The following ADARB2 variants were observed in gnomAD, a reference collection of about 807,000 sequenced individuals.
ADARB2 encodes inactive double-stranded RNA-specific editase B2.
A neutral mutation model predicts 62.2 loss-of-function variants in ADARB2; 25 were observed. The ratio of observed to expected loss-of-function variants is 0.40; its 90% CI spans 0.29 to 0.56. The LOEUF is 0.56. ADARB2 is among the 20% of genes least tolerant of loss of function. The pLI, the probability that ADARB2 is intolerant of heterozygous loss-of-function variation, is 0.43. For synonymous variants in ADARB2, 572 were observed against 500.8 expected (o/e 1.14, Z -1.90); for missense variants, 1,071 against 1,077.4 (o/e 0.99, Z 0.08).
intron 1 of ADARB2, among the ~76,000 whole-genome samples, chr10:1,607,886 T>A (rs1410675711): frequency 1.3e-5 from 2 of 152,220 alleles, no homozygotes; most frequent in African/African-American, 2.4e-5. Flanking sequence ...AAGTGGCTTC[T>A]AATAGGTAAG....
At position 1,240,929 on chromosome 10, in the gene ADARB2, G is replaced by C. The variant is rs867729608; in HGVS notation, c.1361+1202C>G. On this transcript the variant is annotated intron_variant, in intron 5 of 9. Coordinates refer to ENST00000381312, the MANE Select transcript of ADARB2 (RefSeq NM_018702.4). Reference sequence around the variant, plus strand: ...CACCCCGCAGGCCTCAGGGAACTGAGGGATGGGTTCAACCTGTGGCTCCCT... The same window carrying C: ...CACCCCGCAGGCCTCAGGGAACTGACGGATGGGTTCAACCTGTGGCTCCCT... 2.0e-5 allele frequency among the ~76,000 whole-genome samples: 3 copies of C among 152,230 alleles called. No individual in the cohort carries two copies. The South Asian group carries it at 6.2e-4, about 31-fold the overall frequency.
chr10:1,594,619 T>C (rs994481540), intron 1 of ADARB2, among the ~76,000 whole-genome samples: 2 of 152,204 alleles, frequency 1.3e-5, no homozygotes, highest in African/African-American at 2.4e-5. Context: ...CCCTTTGCAG[T>C]GGCCTTAGCA....
chr10:1,406,554 C>T (rs185663238), intron 1 of ADARB2, among the ~76,000 whole-genome samples: 217 of 152,354 alleles, frequency 1.4e-3, no homozygotes, highest in African/African-American at 5.0e-3. Context: ...CCTTGACTTT[C>T]CCTCCTATGG....
chr10:1,519,748 A>AG (rs1244690648), intron 1 of ADARB2, among the ~76,000 whole-genome samples: 1 of 152,150 alleles, frequency 6.6e-6, no homozygotes, highest in African/African-American at 2.4e-5. Flanking sequence ...CAATGGCCTG[A>AG]GGGTTTTTCA....
At chr10:1,610,455 G>A (rs1588322672) in intron 1 of ADARB2, among the ~76,000 whole-genome samples, 1 of 152,228 alleles carries the variant, frequency 6.6e-6, no homozygotes, top group East Asian at 1.9e-4. Context: ...TCAGTAACTA[G>A]CACTACTTTT....
chr10:1,218,502 C>G (rs1265437490), intron 6 of ADARB2, among the ~76,000 whole-genome samples: 2 of 152,110 alleles, frequency 1.3e-5, no homozygotes, highest in Non-Finnish European at 2.9e-5. Context: ...TAGAAAGTTC[C>G]TATTGAAGTT....
At chr10:1,362,309 G>A (rs1159722983) in intron 3 of ADARB2, among the ~76,000 whole-genome samples, 1 of 152,236 alleles carries the variant, frequency 6.6e-6, no homozygotes, top group South Asian at 2.1e-4. Context: ...CGTGGAGTGT[G>A]CTTTCATTTC....
intron 6 of ADARB2, among the ~76,000 whole-genome samples, chr10:1,232,284 G>GTGTGTGCGGTGTATGTGA (rs1425291795): frequency 6.6e-6 from 1 of 152,166 alleles, no homozygotes; most frequent in Non-Finnish European, 1.5e-5. Flanking sequence ...GCATGTGAAT[G>GTGTGTGCGGTGTATGTGA]TGTGTGCGGT....
chr10:1,347,350 G>A (rs1031508656), intron 3 of ADARB2, among the ~76,000 whole-genome samples: 3 of 152,238 alleles, frequency 2.0e-5, no homozygotes, highest in Non-Finnish European at 4.4e-5. Flanking sequence ...TCTGAGCATG[G>A]TTCATGCATC....
chr10:1,286,009 AG>A (rs1392508794), intron 3 of ADARB2, among the ~76,000 whole-genome samples: 3 of 145,114 alleles, frequency 2.1e-5, no homozygotes, highest in African/African-American at 7.6e-5. Flanking sequence ...TGCGGAATCC[AG>A]GACCGTTGCC....
intron 1 of ADARB2, among the ~76,000 whole-genome samples, chr10:1,555,064 T>C (rs1374791223): frequency 6.6e-6 from 1 of 152,212 alleles, no homozygotes; most frequent in African/African-American, 2.4e-5. Flanking sequence ...TTTCATTCTT[T>C]TTGTATGGCT....
At chr10:1,271,581 AAC>A (rs937598812) in intron 3 of ADARB2, among the ~76,000 whole-genome samples, 6 of 152,196 alleles carry the variant, frequency 3.9e-5, no homozygotes, top group African/African-American at 1.4e-4. Context: ...ATTCACATGC[AAC>A]ACACAACACA....
chr10:1,395,766 G>T (rs1019583246), intron 1 of ADARB2, among the ~76,000 whole-genome samples: 3 of 152,184 alleles, frequency 2.0e-5, no homozygotes, highest in Non-Finnish European at 2.9e-5. Flanking sequence ...GCAGCAGGGT[G>T]GGGGGCTGCC....
chr10:1,270,905 C>T (rs1245972968), intron 4 of ADARB2, 50 bp downstream of exon 4: 6 of 1,526,892 alleles, frequency 3.9e-6, no homozygotes, highest in Non-Finnish European at 5.4e-6. Flanking sequence ...GATGCTAATG[C>T]TCCTTTCTTT....
intron 1 of ADARB2, among the ~76,000 whole-genome samples, chr10:1,644,947 C>T (rs750990954): frequency 1.4e-4 from 21 of 152,224 alleles, no homozygotes; most frequent in East Asian, 3.8e-4. Context: ...GTGCGTGTCA[C>T]GCCTATACAA....
intron 1 of ADARB2, among the ~76,000 whole-genome samples, chr10:1,504,254 G>C (rs968540785): frequency 6.6e-6 from 1 of 152,198 alleles, no homozygotes; most frequent in Non-Finnish European, 1.5e-5. Context: ...CACTGTGAGC[G>C]GGCATGCTCT....
intron 2 of ADARB2, among the ~76,000 whole-genome samples, chr10:1,376,476 C>G (rs1832430218): frequency 6.6e-6 from 1 of 152,194 alleles, no homozygotes; most frequent in Admixed American, 6.5e-5. Context: ...CCTCATCAGG[C>G]CCTCTCCTCT....
chr10:1,347,663 G>A lies in ADARB2; in HGVS notation c.1077+15365C>T, dbSNP rs148959697. On this transcript the variant is annotated intron_variant, in intron 3 of 9. Transcript: ENST00000381312. ...CCATCGGCTACGAGACCCTCAGTAA[G>A]ACCACGGGTGCCTCGACCCGGCTGG... 2.0e-3 allele frequency among the ~76,000 whole-genome samples: 311 copies of A among 152,312 alleles called. 2 individuals carry two copies. The highest frequency in any genetic ancestry group is 7.2e-3 in the African/African-American group (301 of 41,554).
chr10:1,335,376 AG>A (rs1831964299), intron 3 of ADARB2, among the ~76,000 whole-genome samples: 1 of 149,240 alleles, frequency 6.7e-6, no homozygotes, highest in South Asian at 2.2e-4. Context: ...GGAGGGATGA[AG>A]GGAGAAAAGG....
Sources: gnomAD v4.1 joint callset for allele counts (sites outside exome capture counted in the v4.1 genomes callset) on GRCh38, gnomAD v4.1.1 for gene constraint, MANE v1.5 for transcripts, NCBI Gene and HGNC (gene_info 2026-07-23, HGNC 2026-07-21) for gene names.